Variants in COA7 observed in about 807,000 individuals in gnomAD.
The protein encoded by COA7 is cytochrome c oxidase assembly factor 7, also known as Sel1 repeat containing 1.
Under a neutral mutation model 21.0 loss-of-function variants are expected in COA7, and 12 were observed. That is an observed-to-expected ratio of 0.57 (90% CI 0.37 to 0.92). The LOEUF (loss-of-function observed/expected upper bound fraction) is 0.92. Among genes scored for constraint, COA7 ranks in the 40% least tolerant of loss-of-function variants. The pLI, the probability that COA7 is intolerant of heterozygous loss-of-function variation, is 0.01. For missense variants in COA7, 240 were observed against 286.1 expected (o/e 0.84, Z 1.16); for synonymous variants, 95 against 107.4 (o/e 0.88, Z 0.72).
chr1:52,695,892 T>C (rs905571985), intron 1 of COA7, among the ~76,000 whole-genome samples: 18 of 152,328 alleles, frequency 1.2e-4, no homozygotes, highest in African/African-American at 4.1e-4. Context: ...CAGACATGTT[T>C]TGCTCTCCAT....
At chr1:52,696,778 A>T (rs1008699957) in intron 1 of COA7, among the ~76,000 whole-genome samples, 3 of 150,522 alleles carry the variant, frequency 2.0e-5, no homozygotes, top group Non-Finnish European at 3.0e-5. Flanking sequence ...CTAGGATTAC[A>T]GGCTTGTGCC....
intron 1 of COA7, among the ~76,000 whole-genome samples, chr1:52,695,155 T>A (rs1427160983): frequency 1.3e-5 from 2 of 151,824 alleles, no homozygotes; most frequent in African/African-American, 4.8e-5. Context: ...TTAGCCAGGC[T>A]TGGTGGCGCA....
At chr1:52,695,676 G>A (rs1476002646) in intron 1 of COA7, among the ~76,000 whole-genome samples, 5 of 152,080 alleles carry the variant, frequency 3.3e-5, no homozygotes, top group East Asian at 1.9e-4. Context: ...GTTTATCTGC[G>A]AGTAGAAATG....
chr1:52,697,215 T>C (rs553956007), intron 1 of COA7, among the ~76,000 whole-genome samples: 8 of 152,092 alleles, frequency 5.3e-5, no homozygotes, highest in Non-Finnish European at 8.8e-5. Flanking sequence ...CTGGACAACG[T>C]AGTGACATAC....
In COA7 at chr1:52,698,215, G is replaced by T. The variant is rs558991705; in HGVS notation, c.106+6C>A. Reference sequence around the variant, plus strand: ...CGCGTCGCCGGGCTGCGCTGGAGCCGCTCACCGTCCGGGTCCTTCTCGTGG... The same window carrying T: ...CGCGTCGCCGGGCTGCGCTGGAGCCTCTCACCGTCCGGGTCCTTCTCGTGG... On this transcript the variant is annotated splice_donor_region_variant and intron_variant, in intron 1 of 2. Coordinates refer to ENST00000371538, the MANE Select transcript of COA7 (RefSeq NM_023077.3). The T allele has an allele frequency of 1.2e-6, 2 of 1,601,984 alleles. No homozygotes were observed. Among genetic ancestry groups the T allele is most frequent in the Non-Finnish European group, 1.7e-6 (2 of 1,171,860 alleles).
At chr1:52,694,792 A>C (rs1450667334) in intron 1 of COA7, among the ~76,000 whole-genome samples, 1 of 152,208 alleles carries the variant, frequency 6.6e-6, no homozygotes, top group Non-Finnish European at 1.5e-5. Context: ...GCAGGGGCAC[A>C]AAGTCCTGGC....
intron 1 of COA7, among the ~76,000 whole-genome samples, chr1:52,695,247 T>C (rs1644076164): frequency 7.0e-6 from 1 of 143,476 alleles, no homozygotes; most frequent in Admixed American, 7.3e-5. Context: ...TGAGCTGATA[T>C]CGTGCCACTG....
At chr1:52,698,068 C>A in intron 1 of COA7, 153 bp downstream of exon 1, 1 of 637,520 alleles carries the variant, frequency 1.6e-6, no homozygotes, top group Non-Finnish European at 2.8e-6. Context: ...CGGGACACAT[C>A]GCCCTTCCCA....
At chr1:52,689,023 T>A (rs1170474203) in intron 2 of COA7, among the ~76,000 whole-genome samples, 1 of 152,054 alleles carries the variant, frequency 6.6e-6, no homozygotes, top group Non-Finnish European at 1.5e-5. Flanking sequence ...AATAGAACAA[T>A]TATTTACTCA....
In COA7 at chr1:52,685,510, CTAAT is replaced by C. The variant is rs1171232452; in HGVS notation, c.*2206_*2209del. 2 of 151,900 alleles carry C rather than the reference CTAAT, an allele frequency of 1.3e-5. No individual in the cohort carries two copies. The highest frequency in any genetic ancestry group is 2.9e-5 in the Non-Finnish European group (2 of 68,006). The allele number at this position is 151,900 out of a possible 1,614,324, so 9.4% of individuals were successfully genotyped here. On this transcript the variant is annotated 3_prime_UTR_variant, in exon 3 of 3. Coordinates refer to ENST00000371538, the MANE Select transcript of COA7 (RefSeq NM_023077.3). ...ATTGTGGTTTTTGATTTACATTTCC[CTAAT>C]TAGTGATGTTGAACATATTTTCATG... is the stretch of plus-strand genomic sequence containing the variant.
In COA7 at chr1:52,689,441, A is replaced by G. The variant is rs1190577757; in HGVS notation, c.248-1273T>C. Reference sequence around the variant, plus strand: ...AATGCTGGGATTACAGGCGTGAGCCACTTCACCTGGCCTATGAGATTTTTT... The same window carrying G: ...AATGCTGGGATTACAGGCGTGAGCCGCTTCACCTGGCCTATGAGATTTTTT... On this transcript the variant is annotated intron_variant, in intron 2 of 2. Transcript: ENST00000371538. Among the ~76,000 whole-genome samples the G allele has an allele frequency of 5.9e-5, 9 of 151,462 alleles. No homozygotes were observed. The South Asian group carries it at 6.3e-4, about 11-fold the overall frequency.
rs1643993580 is a variant in COA7, at chr1:52,685,391, T to C, written c.*2329A>G. 1 of 152,264 alleles carries C rather than the reference T, an allele frequency of 6.6e-6. No homozygotes were observed. Among genetic ancestry groups the C allele is most frequent in the Non-Finnish European group, 1.5e-5 (1 of 68,044 alleles). The allele number at this position is 152,264 out of a possible 1,614,324, so 9.4% of individuals were successfully genotyped here. A position where few individuals can be genotyped will look rare whatever the true frequency, so the allele number is the denominator to read the frequency against. On this transcript the variant is annotated 3_prime_UTR_variant, in exon 3 of 3. Transcript: ENST00000371538. The stretch of plus-strand genomic sequence containing the variant: ...TATGGAACATCTTTTCATATGCTTA[T>C]TTGCCACCTGTCTATCTTCTTTGCT...
At position 52,687,761 on chromosome 1, in the gene COA7, T is replaced by G; in HGVS notation, c.655A>C (p.Lys219Gln). The G allele has an allele frequency of 6.2e-7, 1 of 1,614,258 alleles. No individual in the cohort carries two copies. Among genetic ancestry groups the G allele is most frequent in the East Asian group, 2.2e-5 (1 of 44,884 alleles). The change falls in exon 3 of 3, where the codon AAA becomes CAA. Residue 219 changes from lysine (K) to glutamine (Q), a missense_variant. By Grantham distance (53) the Lys-to-Gln change is moderately conservative (BLOSUM62 1). Around this residue, in one of 3 missense-constraint regions of COA7, gnomAD observed 163 missense variants for 214.1 expected, o/e 0.76. Coordinates refer to ENST00000371538, the MANE Select transcript of COA7 (RefSeq NM_023077.3). ...VLKNRAQQLH[K>Q]EQQKGVQPLT... Reference sequence around the variant, plus strand: ...GGTTGGACACCTTTCTGCTGTTCTTTGTGTAGCTGCTGGGCTCGATTTTTT... The same window carrying G: ...GGTTGGACACCTTTCTGCTGTTCTTGGTGTAGCTGCTGGGCTCGATTTTTT...
intron 1 of COA7, among the ~76,000 whole-genome samples, chr1:52,697,421 A>G (rs138575119): frequency 5.3e-4 from 80 of 152,274 alleles, no homozygotes; most frequent in African/African-American, 1.9e-3. Flanking sequence ...TACCTATGGT[A>G]AGAACTGCAT....
At chr1:52,693,305 C>T (rs938251263) in intron 1 of COA7, among the ~76,000 whole-genome samples, 9 of 151,886 alleles carry the variant, frequency 5.9e-5, no homozygotes, top group South Asian at 2.1e-4. Context: ...GGGCCAGGCT[C>T]GGTAGCTCAT....
At chr1:52,696,538 T>C (rs1457553667) in intron 1 of COA7, among the ~76,000 whole-genome samples, 1 of 152,164 alleles carries the variant, frequency 6.6e-6, no homozygotes, top group African/African-American at 2.4e-5. Flanking sequence ...TGTTATGATA[T>C]GTATATGGTT....
At position 52,687,254 on chromosome 1, in the gene COA7, C is replaced by G. The variant is rs931521108; in HGVS notation, c.*466G>C. 4 of 163,898 alleles carry G rather than the reference C, an allele frequency of 2.4e-5. No homozygotes were observed. Among genetic ancestry groups the G allele is most frequent in the Non-Finnish European group, 5.4e-5 (4 of 74,136 alleles). 10.2% of individuals were successfully genotyped at this position (163,898 alleles called of 1,614,324 possible). ...GACCTCAATTACGTAAACCAAGATA[C>G]GTTCTGATTTTCAAGCCATCCTAAC... On this transcript the variant is annotated 3_prime_UTR_variant, in exon 3 of 3. Transcript: ENST00000371538.
At chr1:52,692,636 G>T in intron 2 of COA7, 91 bp downstream of exon 2, 1 of 1,467,832 alleles carries the variant, frequency 6.8e-7, no homozygotes, top group Non-Finnish European at 9.4e-7. Context: ...CAATGCCTGC[G>T]AGACCCTTCT....
At position 52,692,803 on chromosome 1, in the gene COA7, C is replaced by T; in HGVS notation, c.171G>A (p.Val57=). The change falls in exon 2 of 3, where the codon GTG becomes GTA. Residue 57 remains valine, a synonymous_variant. Coordinates refer to ENST00000371538, the MANE Select transcript of COA7 (RefSeq NM_023077.3). ...GGTTCTCTTCACAGTTAAACTTCAACACCTTGGCAGCCTCATCAAAATTCT... is the reference window on the plus strand; with the variant it reads ...GGTTCTCTTCACAGTTAAACTTCAATACCTTGGCAGCCTCATCAAAATTCT... The part of the protein sequence containing the change: ...IRKNFDEAAK[V]LKFNCEENQH... 1.9e-6 allele frequency: 3 copies of T among 1,614,188 alleles called. No individual in the cohort carries two copies. Among genetic ancestry groups the T allele is most frequent in the East Asian group, 2.2e-5 (1 of 44,882 alleles).
Sources: allele counts gnomAD v4.1 joint callset (sites outside exome capture counted in the v4.1 genomes callset), GRCh38; gene constraint gnomAD v4.1.1; regional missense constraint gnomAD v4.1.1; transcripts MANE v1.5; gene names NCBI Gene and HGNC (gene_info 2026-07-23, HGNC 2026-07-21).